The following CNTNAP2 variants were observed in gnomAD, a reference collection of about 807,000 sequenced individuals.
The protein encoded by CNTNAP2 is contactin associated protein 2, also known as contactin-associated protein-like 2.
In CNTNAP2, 98 loss-of-function variants were observed where a neutral mutation model predicts 155.2. The observed-to-expected ratio is 0.63, with a 90% CI of 0.54 to 0.75. The LOEUF (loss-of-function observed/expected upper bound fraction) is 0.75, where lower values mean the gene tolerates loss of function less well. CNTNAP2 is among the 30% of genes least tolerant of loss of function. The pLI, the probability that CNTNAP2 is intolerant of heterozygous loss-of-function variation, is 0.00. For missense variants in CNTNAP2, 1,727 were observed against 1,688.1 expected (o/e 1.02, Z -0.40); for synonymous variants, 651 against 631.2 (o/e 1.03, Z -0.47).
intron 3 of CNTNAP2, among the ~76,000 whole-genome samples, chr7:146,856,675 A>G (rs1450429388): frequency 1.3e-5 from 2 of 152,200 alleles, no homozygotes; most frequent in Admixed American, 6.5e-5. Context: ...ACAGATGAGA[A>G]GCAGACACTG....
At chr7:146,731,904 T>C (rs1801532097) in intron 1 of CNTNAP2, among the ~76,000 whole-genome samples, 1 of 152,088 alleles carries the variant, frequency 6.6e-6, no homozygotes, top group Admixed American at 6.6e-5. Context: ...TCAATAGTTA[T>C]TTGATATTTA....
At chr7:147,558,697 TTTCCTTCCTTCCTTCCTTCCTTCC>T (rs151097268) in intron 11 of CNTNAP2, among the ~76,000 whole-genome samples, 2 of 148,810 alleles carry the variant, frequency 1.3e-5, no homozygotes, top group Non-Finnish European at 1.5e-5. Context: ...TCGTTCGTTC[TTTCCTTCCTTCCTTCCTTCCTTCC>T]TTCCTTCCTT....
chr7:148,241,198 T>C (rs190365581), intron 20 of CNTNAP2, among the ~76,000 whole-genome samples: 1 of 152,350 alleles, frequency 6.6e-6, no homozygotes, highest in East Asian at 1.9e-4. Flanking sequence ...CTAATGCAGT[T>C]TGTGTATGTT....
At chr7:148,005,277 G>A (rs1801955341) in intron 15 of CNTNAP2, among the ~76,000 whole-genome samples, 2 of 152,076 alleles carry the variant, frequency 1.3e-5, no homozygotes, top group South Asian at 4.2e-4. Flanking sequence ...TTTTATAAGG[G>A]CATTAATCCC....
intron 4 of CNTNAP2, chr7:147,097,602 G>A (rs1192123833): frequency 6.6e-6 from 1 of 152,160 alleles, no homozygotes; most frequent in Non-Finnish European, 1.5e-5. Context: ...GAGGGAAACG[G>A]TCCCTATGAT....
At chr7:146,865,389 A>G (rs1360567523) in intron 3 of CNTNAP2, among the ~76,000 whole-genome samples, 1 of 152,148 alleles carries the variant, frequency 6.6e-6, no homozygotes, top group Non-Finnish European at 1.5e-5. Context: ...GAGGAAATAC[A>G]AGAATTTCAA....
At chr7:148,147,380 A>G (rs1219113122) in intron 16 of CNTNAP2, 111 bp from the exon 17 acceptor site, 1 of 1,029,088 alleles carries the variant, frequency 9.7e-7, no homozygotes, top group African/African-American at 1.6e-5. Flanking sequence ...GTAGGACGTG[A>G]CAGGCTTAGA....
intron 2 of CNTNAP2, among the ~76,000 whole-genome samples, chr7:146,839,066 A>G (rs766309592): frequency 9.2e-5 from 14 of 152,256 alleles, no homozygotes; most frequent in Admixed American, 2.0e-4. Flanking sequence ...TATTTTGCCA[A>G]AAGAGATTTA....
At chr7:146,697,889 C>A (rs1399566703) in intron 1 of CNTNAP2, among the ~76,000 whole-genome samples, 1 of 152,038 alleles carries the variant, frequency 6.6e-6, no homozygotes, top group Non-Finnish European at 1.5e-5. Context: ...ACATACTTTC[C>A]TGCCTTCTTC....
chr7:146,366,945 C>G (rs1013578507), intron 1 of CNTNAP2, among the ~76,000 whole-genome samples: 1 of 152,106 alleles, frequency 6.6e-6, no homozygotes, highest in Admixed American at 6.5e-5. Context: ...GAAACAGAAT[C>G]TTACATAAGT....
intron 3 of CNTNAP2, chr7:146,916,034 C>A (rs1796387803): frequency 6.6e-6 from 1 of 152,024 alleles, no homozygotes; most frequent in South Asian, 2.1e-4. Context: ...TAAAAGGATG[C>A]TGGATTTTGT....
At chr7:147,046,859 C>A (rs936819984) in intron 4 of CNTNAP2, among the ~76,000 whole-genome samples, 3 of 151,758 alleles carry the variant, frequency 2.0e-5, no homozygotes, top group African/African-American at 4.8e-5. Flanking sequence ...GAAACCCCGT[C>A]TCTACTAAAA....
intron 4 of CNTNAP2, among the ~76,000 whole-genome samples, chr7:147,047,456 AT>A (rs1799388191): frequency 6.6e-6 from 1 of 151,538 alleles, no homozygotes; most frequent in South Asian, 2.1e-4. Context: ...TCTTGCTCAT[AT>A]TTCTATGGAT....
intron 3 of CNTNAP2, among the ~76,000 whole-genome samples, chr7:147,039,840 A>G (rs1315694994): frequency 6.6e-6 from 1 of 152,198 alleles, no homozygotes; most frequent in Non-Finnish European, 1.5e-5. Context: ...TAAAACCCAA[A>G]ATTATAAAAA....
At chr7:147,087,345 G>A (rs1381032199) in intron 4 of CNTNAP2, among the ~76,000 whole-genome samples, 1 of 152,112 alleles carries the variant, frequency 6.6e-6, no homozygotes, top group Non-Finnish European at 1.5e-5. Context: ...AGAGGACACC[G>A]AAGAGACACA....
intron 18 of CNTNAP2, among the ~76,000 whole-genome samples, chr7:148,196,906 C>T (rs1190746480): frequency 2.0e-5 from 3 of 152,154 alleles, no homozygotes; most frequent in South Asian, 2.1e-4. Flanking sequence ...GGTCCAGGCT[C>T]AAGGGAGGGA....
chr7:147,786,686 G>A (rs1171374155), intron 13 of CNTNAP2, among the ~76,000 whole-genome samples: 1 of 152,152 alleles, frequency 6.6e-6, no homozygotes, highest in East Asian at 1.9e-4. Context: ...GCACTGTGGA[G>A]GCCTGGCACA....
At chr7:146,121,637 T>C (rs1797564598) in intron 1 of CNTNAP2, among the ~76,000 whole-genome samples, 1 of 152,150 alleles carries the variant, frequency 6.6e-6, no homozygotes, top group African/African-American at 2.4e-5. Context: ...ACAGCGTATA[T>C]AGTAATTTTA....
chr7:148,033,314 A>G (rs986610336), intron 15 of CNTNAP2, among the ~76,000 whole-genome samples: 4 of 151,964 alleles, frequency 2.6e-5, no homozygotes, highest in Admixed American at 2.0e-4. Flanking sequence ...CCCAATCTCC[A>G]GAGACACATT....
Sources: allele counts gnomAD v4.1 joint callset (sites outside exome capture counted in the v4.1 genomes callset), GRCh38; gene constraint gnomAD v4.1.1; transcripts MANE v1.5; gene names NCBI Gene and HGNC (gene_info 2026-07-23, HGNC 2026-07-21).